The following ARHGAP8 variants were observed in gnomAD, a reference collection of about 807,000 sequenced individuals.
The protein encoded by ARHGAP8 is rho GTPase-activating protein 8.
Under a neutral mutation model 46.1 loss-of-function variants are expected in ARHGAP8, and 62 were observed. The ratio of observed to expected loss-of-function variants is 1.34; its 90% CI spans 1.10 to 1.66. ARHGAP8 has a LOEUF of 1.66. ARHGAP8 is among the 40% of genes most tolerant of loss of function. The pLI is 0.00. For missense variants in ARHGAP8, 923 were observed against 568.4 expected (o/e 1.62, Z -6.34); for synonymous variants, 375 against 243.1 (o/e 1.54, Z -5.05).
intron 4 of ARHGAP8, among the ~76,000 whole-genome samples, chr22:44,813,253 C>G (rs559018205): frequency 1.3e-5 from 2 of 151,580 alleles, no homozygotes; most frequent in South Asian, 2.1e-4. Context: ...TATACATACA[C>G]TTACACACAC....
intron 4 of ARHGAP8, among the ~76,000 whole-genome samples, chr22:44,809,985 C>T (rs9626565): frequency 0.021 from 3,129 of 152,230 alleles, 107 homozygotes; most frequent in African/African-American, 0.072. Context: ...CTGTATTTTG[C>T]AGTCATTTAC....
chr22:44,790,490 A>G (rs995721387), intron 2 of ARHGAP8, among the ~76,000 whole-genome samples: 25 of 151,906 alleles, frequency 1.6e-4, no homozygotes, highest in Non-Finnish European at 2.2e-4. Context: ...AGCCTGCCCA[A>G]CATGGTGAAA....
At chr22:44,860,608 C>G (rs906827733) in intron 11 of ARHGAP8, among the ~76,000 whole-genome samples, 3 of 148,532 alleles carry the variant, frequency 2.0e-5, no homozygotes, top group Non-Finnish European at 4.4e-5. Flanking sequence ...TCTCTGTGGT[C>G]TATCTTAGAG....
intron 10 of ARHGAP8, among the ~76,000 whole-genome samples, chr22:44,858,058 C>G (rs748284326): frequency 2.0e-5 from 3 of 152,232 alleles, no homozygotes; most frequent in Non-Finnish European, 4.4e-5. Flanking sequence ...TTGAAATACT[C>G]ATTTCAAGGG....
chr22:44,861,448 C>T lies in ARHGAP8; in HGVS notation c.982-827C>T, dbSNP rs192509636. Among the ~76,000 whole-genome samples the T allele has an allele frequency of 7.5e-4, 112 of 149,624 alleles. 2 individuals are homozygous for T. In the East Asian group the frequency reaches 0.02, roughly 26 times the overall value. On this transcript the variant is annotated intron_variant, in intron 11 of 11. Coordinates refer to ENST00000356099, the MANE Select transcript of ARHGAP8 (RefSeq NM_181335.3). ...GGGCCTGGCTGGTGCACACCTGCAA[C>T]GGGCTTGGGGGACCGGCAGCCAGGG... is the stretch of plus-strand genomic sequence containing the variant.
At chr22:44,770,501 G>A (rs1454384443) in intron 1 of ARHGAP8, among the ~76,000 whole-genome samples, 1 of 151,968 alleles carries the variant, frequency 6.6e-6, no homozygotes, top group Non-Finnish European at 1.5e-5. Flanking sequence ...TACCTTCTGG[G>A]TTCAAGCAGT....
In ARHGAP8 at chr22:44,785,120, G is replaced by A. The variant is rs571949457; in HGVS notation, c.-71-1337G>A. 3.0e-4 allele frequency among the ~76,000 whole-genome samples: 46 copies of A among 152,286 alleles called. No homozygotes were observed. The South Asian group carries it at 4.4e-3, about 14-fold the overall frequency. On this transcript the variant is annotated intron_variant, in intron 1 of 11. Transcript: ENST00000356099. Reference sequence around the variant, plus strand: ...AGGCCCCGCCTCACGCTCCCTCCTCGATGGGGTGTTGGTCTGGATGAGTGA... The same window carrying A: ...AGGCCCCGCCTCACGCTCCCTCCTCAATGGGGTGTTGGTCTGGATGAGTGA...
rs1295542635 is a variant in ARHGAP8 at position 44,819,600 on chromosome 22, G to A, written c.387-2771G>A. Among the ~76,000 whole-genome samples the A allele has an allele frequency of 2.0e-5, 3 of 152,298 alleles. No individual in the cohort carries two copies. The East Asian group carries it at 5.8e-4, about 29-fold the overall frequency. On this transcript the variant is annotated intron_variant, in intron 5 of 11. Coordinates refer to ENST00000356099, the MANE Select transcript of ARHGAP8 (RefSeq NM_181335.3). ...AGCTACGAGAATCGCTTGAACCCGG[G>A]AGACGGAGGTTGCAGTGAGCCAAGA...
chr22:44,847,565 C>T (rs2069988173), intron 8 of ARHGAP8, among the ~76,000 whole-genome samples: 1 of 152,210 alleles, frequency 6.6e-6, no homozygotes, highest in Non-Finnish European at 1.5e-5. Context: ...TGTGGGAAGT[C>T]ACGTGTCTGG....
chr22:44,860,962 C>T (rs548905142), intron 11 of ARHGAP8, among the ~76,000 whole-genome samples: 23 of 151,492 alleles, frequency 1.5e-4, no homozygotes, highest in African/African-American at 4.8e-4. Context: ...CTCCCTGTTG[C>T]TTGACATAAT....
At chr22:44,786,673 G>T in intron 2 of ARHGAP8, 67 bp downstream of exon 2, 2 of 1,545,002 alleles carry the variant, frequency 1.3e-6, no homozygotes, top group Non-Finnish European at 1.7e-6. Flanking sequence ...CAACTTTGAG[G>T]CAAAGTGGGC....
rs770735672 is a variant in ARHGAP8, at chr22:44,862,381, T to G, written c.1088T>G (p.Leu363Arg). ...CAGGGGGTCTCCTCCCTGAGTGCCC[T>G]TGTGCCCCTGAACATGTTCACTGAA... ...PSQGVSSLSA[L>R]VPLNMFTELL... Residue 363 changes from leucine to arginine, a missense_variant, in exon 12 of 12, where the codon CTT (leucine) becomes CGT (arginine). Coordinates refer to ENST00000356099, the MANE Select transcript of ARHGAP8 (RefSeq NM_181335.3). The G allele has an allele frequency of 3.7e-6, 6 of 1,614,072 alleles. No individual in the cohort carries two copies. Among genetic ancestry groups the G allele is most frequent in the Middle Eastern group, 1.6e-4 (1 of 6,084 alleles).
intron 2 of ARHGAP8, chr22:44,801,810 T>C: frequency 3.9e-6 from 2 of 509,792 alleles, no homozygotes; most frequent in Non-Finnish European, 7.1e-6. Context: ...TCTGCACTGA[T>C]GACTTAACCC....
At chr22:44,804,288 T>C (rs559381899) in intron 3 of ARHGAP8, among the ~76,000 whole-genome samples, 3 of 152,192 alleles carry the variant, frequency 2.0e-5, no homozygotes, top group East Asian at 1.9e-4. Flanking sequence ...CGAGCCTCCT[T>C]CCTGGTGAAA....
chr22:44,833,533 G>A (rs1026204620), intron 7 of ARHGAP8, among the ~76,000 whole-genome samples: 20 of 152,206 alleles, frequency 1.3e-4, no homozygotes, highest in Admixed American at 1.2e-3. Flanking sequence ...TGTTCATGGT[G>A]TATAATCTTT....
intron 3 of ARHGAP8, among the ~76,000 whole-genome samples, chr22:44,802,961 C>G (rs1371834642): frequency 5.3e-5 from 8 of 151,492 alleles, no homozygotes; most frequent in African/African-American, 1.7e-4. Flanking sequence ...GGGTGGCATT[C>G]AAACCCAGGA....
chr22:44,845,834 A>G (rs1003778863), intron 8 of ARHGAP8, among the ~76,000 whole-genome samples: 2 of 152,184 alleles, frequency 1.3e-5, no homozygotes, highest in Non-Finnish European at 2.9e-5. Context: ...ACTGAGGTCC[A>G]TGGAGAAGGT....
At chr22:44,835,463 C>CA (rs1186634935) in intron 7 of ARHGAP8, among the ~76,000 whole-genome samples, 2 of 151,566 alleles carry the variant, frequency 1.3e-5, no homozygotes, top group Admixed American at 6.6e-5. Context: ...ACTAAAAGTA[C>CA]AAAAAAAATT....
intron 7 of ARHGAP8, among the ~76,000 whole-genome samples, chr22:44,840,582 C>T (rs1374996812): frequency 6.6e-6 from 1 of 152,172 alleles, no homozygotes; most frequent in Non-Finnish European, 1.5e-5. Context: ...GAGCTGGAGG[C>T]TCTATGAGTC....
Sources: allele counts gnomAD v4.1 joint callset (sites outside exome capture counted in the v4.1 genomes callset), GRCh38; gene constraint gnomAD v4.1.1; transcripts MANE v1.5; gene names NCBI Gene and HGNC (gene_info 2026-07-23, HGNC 2026-07-21).